The following SNX14 variants were observed in gnomAD, a reference collection of about 807,000 sequenced individuals.
SNX14 encodes sorting nexin-14.
In SNX14, 93 loss-of-function variants were observed where a neutral mutation model predicts 133.8. The observed-to-expected ratio is 0.70, with a 90% CI of 0.59 to 0.83. The LOEUF is 0.83. Among genes scored for constraint, SNX14 ranks in the 40% least tolerant of loss-of-function variants. The pLI is 0.00. For synonymous variants in SNX14, 368 were observed against 365.6 expected (o/e 1.01, Z -0.07); for missense variants, 945 against 1,094.9 (o/e 0.86, Z 1.93).
In SNX14 at chr6:85,593,832, A is replaced by AC. The variant is rs1365638619; in HGVS notation, c.-115dup. On this transcript the variant is annotated 5_prime_UTR_variant, in exon 1 of 29. Transcript: ENST00000314673. ...GACTTGGCGGCGCACACAGACGCCT[A>AC]CCGGCAGTTAGCCGCCGCAGGCTGA... 6.5e-7 allele frequency: 1 copy of AC among 1,532,838 alleles called. No individual in the cohort carries two copies. Among genetic ancestry groups the AC allele is most frequent in the African/African-American group, 1.4e-5 (1 of 70,914 alleles). 95.0% of individuals were successfully genotyped at this position (1,532,838 alleles called of 1,614,324 possible).
At chr6:85,574,523 G>T in intron 1 of SNX14, 145 bp from the exon 2 acceptor site, 2 of 539,534 alleles carry the variant, frequency 3.7e-6, no homozygotes, top group Non-Finnish European at 6.5e-6. Flanking sequence ...TTTTTGTAAT[G>T]TATTAAATAC....
At chr6:85,577,832 G>A (rs149718227) in intron 1 of SNX14, among the ~76,000 whole-genome samples, 3 of 152,196 alleles carry the variant, frequency 2.0e-5, no homozygotes, top group African/African-American at 7.2e-5. Context: ...GAAATGAAGT[G>A]GACAACATGA....
chr6:85,564,096 T>G (rs564934856), intron 6 of SNX14, among the ~76,000 whole-genome samples: 3 of 152,326 alleles, frequency 2.0e-5, no homozygotes, highest in Non-Finnish European at 4.4e-5. Flanking sequence ...ACAAAGGACA[T>G]GAACTCATCC....
intron 17 of SNX14, among the ~76,000 whole-genome samples, chr6:85,535,600 G>A (rs1479885452): frequency 1.6e-4 from 11 of 70,590 alleles, no homozygotes; most frequent in African/African-American, 3.3e-4. Context: ...GCAAGACTCC[G>A]TCTCAAAAAA....
At chr6:85,584,661 C>T (rs866742665) in intron 1 of SNX14, among the ~76,000 whole-genome samples, 5 of 152,166 alleles carry the variant, frequency 3.3e-5, no homozygotes, top group Admixed American at 1.3e-4. Flanking sequence ...CTCATCATCA[C>T]GGGTCATTAG....
At chr6:85,522,869 T>G (rs893240702) in intron 21 of SNX14, among the ~76,000 whole-genome samples, 1 of 152,210 alleles carries the variant, frequency 6.6e-6, no homozygotes, top group African/African-American at 2.4e-5. Flanking sequence ...TTCATGCCTC[T>G]TGTACATGCC....
chr6:85,572,233 A>C lies in SNX14; in HGVS notation c.339-18T>G, dbSNP rs1357891137. The C allele has an allele frequency of 1.6e-5, 25 of 1,612,906 alleles. No homozygotes were observed. Among genetic ancestry groups the C allele is most frequent in the Non-Finnish European group, 2.1e-5 (25 of 1,179,254 alleles). ...AAGAAGGCCTAAAGAAAAATTATAC[A>C]ACTAAATCACTTGAAATCCAAATGT... On this transcript the variant is annotated intron_variant, in intron 3 of 28. Transcript: ENST00000314673.
intron 5 of SNX14, 133 bp downstream of exon 5, chr6:85,567,401 A>C: frequency 1.5e-6 from 1 of 661,300 alleles, no homozygotes; most frequent in Non-Finnish European, 2.5e-6. Flanking sequence ...AAAACAAATA[A>C]TTATTTTGGC....
chr6:85,545,298 A>G (rs1222258952), intron 12 of SNX14, among the ~76,000 whole-genome samples: 2 of 152,238 alleles, frequency 1.3e-5, no homozygotes, highest in African/African-American at 4.8e-5. Context: ...GTAAGGCCTA[A>G]CAATAAACAC....
At chr6:85,535,261 T>C (rs888820678) in intron 17 of SNX14, among the ~76,000 whole-genome samples, 3 of 151,662 alleles carry the variant, frequency 2.0e-5, no homozygotes, top group Non-Finnish European at 4.4e-5. Context: ...GCAATCCTCC[T>C]GCCTCAGTTT....
chr6:85,513,502 G>A (rs1370112656), intron 26 of SNX14, among the ~76,000 whole-genome samples: 4 of 152,244 alleles, frequency 2.6e-5, no homozygotes, highest in African/African-American at 9.6e-5. Flanking sequence ...ATGGTGTCGT[G>A]GACACAGGCC....
At chr6:85,563,800 C>A (rs1049386748) in intron 6 of SNX14, among the ~76,000 whole-genome samples, 1 of 151,996 alleles carries the variant, frequency 6.6e-6, no homozygotes, top group Non-Finnish European at 1.5e-5. Flanking sequence ...ACTTAAAGTT[C>A]TAGGGTACAT....
Position 85,517,805 on chromosome 6 carries a change from C to T in SNX14, c.2219G>A (p.Ser740Asn), listed in dbSNP as rs777533516. The T allele has an allele frequency of 6.2e-7, 1 of 1,611,090 alleles. No individual in the cohort carries two copies. The highest frequency in any genetic ancestry group is 1.1e-5 in the South Asian group (1 of 90,142). ...NSCESPKPKP[S>N]RPELTILSPT... is the part of the protein sequence containing the mutation. ...GCTGAGAATGGTCAGTTCTGGTCTA[C>T]TTGGTTTAGGCTTTGGAGACTCACA... Residue 740 changes from serine to asparagine, a missense_variant, in exon 23 of 29, where the codon AGT becomes AAT. Physicochemically the swap from Ser to Asn is conservative, Grantham distance 46 (BLOSUM62 1). Transcript: ENST00000314673.
chr6:85,555,626 T>C (rs1295074795), intron 7 of SNX14, among the ~76,000 whole-genome samples: 2 of 152,208 alleles, frequency 1.3e-5, no homozygotes, highest in East Asian at 1.9e-4. Context: ...AACTATTCAG[T>C]ATGCTACTGT....
In SNX14 at chr6:85,517,967, T is replaced by C. The variant is rs924784054; in HGVS notation, c.2148+41A>G. Reference sequence around the variant, plus strand: ...ATTTATCAATATTTAAATATGTTTATGATTATCATGTTATAGAACACACAT... The same window carrying C: ...ATTTATCAATATTTAAATATGTTTACGATTATCATGTTATAGAACACACAT... On this transcript the variant is annotated intron_variant, in intron 22 of 28. Coordinates refer to ENST00000314673, the MANE Select transcript of SNX14 (RefSeq NM_153816.6). The C allele has an allele frequency of 2.5e-6, 4 of 1,582,946 alleles. No individual in the cohort carries two copies. The African/African-American group carries it at 4.1e-5, about 16-fold the overall frequency.
At chr6:85,587,276 C>T (rs1801208355) in intron 1 of SNX14, among the ~76,000 whole-genome samples, 2 of 151,822 alleles carry the variant, frequency 1.3e-5, no homozygotes, top group Admixed American at 6.6e-5. Flanking sequence ...AAGTTTTTTA[C>T]ACTCTCTTAT....
At chr6:85,534,352 T>C (rs1781190807) in intron 17 of SNX14, among the ~76,000 whole-genome samples, 1 of 152,228 alleles carries the variant, frequency 6.6e-6, no homozygotes, top group Admixed American at 6.5e-5. Context: ...GCAGTGAAAC[T>C]GGAAACTTCT....
intron 1 of SNX14, 86 bp from the exon 2 acceptor site, chr6:85,574,464 T>G (rs577756384): frequency 8.6e-6 from 8 of 926,802 alleles, no homozygotes; most frequent in Non-Finnish European, 1.2e-5. Context: ...AAGCATTCAT[T>G]AAGCACCTAC....
chr6:85,591,302 T>C (rs776903359), intron 1 of SNX14, among the ~76,000 whole-genome samples: 20 of 151,956 alleles, frequency 1.3e-4, no homozygotes, highest in Non-Finnish European at 2.5e-4. Context: ...GCATGCTACA[T>C]ACACCATCTG....
Sources: gnomAD v4.1 joint callset for allele counts (sites outside exome capture counted in the v4.1 genomes callset) on GRCh38, gnomAD v4.1.1 for gene constraint, MANE v1.5 for transcripts, NCBI Gene and HGNC (gene_info 2026-07-23, HGNC 2026-07-21) for gene names.